The following NR5A2 variants were observed in gnomAD, a reference collection of about 807,000 sequenced individuals.
NR5A2 encodes nuclear receptor subfamily 5 group A member 2.
Under a neutral mutation model 62.7 loss-of-function variants are expected in NR5A2, and 26 were observed. The ratio of observed to expected loss-of-function variants is 0.41; its 90% CI spans 0.30 to 0.58. The LOEUF (loss-of-function observed/expected upper bound fraction) is 0.58. Among genes scored for constraint, NR5A2 ranks in the 20% least tolerant of loss-of-function variants. The pLI is 0.22. For missense variants in NR5A2, 541 were observed against 669.1 expected (o/e 0.81, Z 2.11); for synonymous variants, 246 against 241.7 (o/e 1.02, Z -0.16).
intron 7 of NR5A2, among the ~76,000 whole-genome samples, chr1:200,170,485 T>A (rs1274616516): frequency 6.6e-6 from 1 of 152,234 alleles, no homozygotes; most frequent in African/African-American, 2.4e-5. Context: ...GTGAACCACA[T>A]AAATGAGTGA....
chr1:200,039,284 C>G lies in NR5A2; in HGVS notation c.65-374C>G, dbSNP rs1185451762. 2.6e-5 allele frequency among the ~76,000 whole-genome samples: 4 copies of G among 152,110 alleles called. No homozygotes were observed. The highest frequency in any genetic ancestry group is 2.0e-4 in the Admixed American group (3 of 15,280). ...AGGAGTCGCCCGAGCCGTCCGGGAG[C>G]AGTGGCAGCGGCACAGCCGGGGCGG... is the stretch of plus-strand genomic sequence containing the variant. On this transcript the variant is annotated intron_variant, in intron 1 of 7. Coordinates refer to ENST00000367362, the MANE Select transcript of NR5A2 (RefSeq NM_205860.3). The surrounding 1 kb of genome is among the most constrained non-coding windows in gnomAD (Gnocchi z 5.1).
intron 7 of NR5A2, among the ~76,000 whole-genome samples, chr1:200,157,599 C>G (rs1209870026): frequency 1.3e-5 from 2 of 152,146 alleles, no homozygotes; most frequent in Non-Finnish European, 2.9e-5. Context: ...CATGGTTACA[C>G]AAATACAAAA....
chr1:200,162,961 C>A (rs930560478), intron 7 of NR5A2, among the ~76,000 whole-genome samples: 6 of 152,030 alleles, frequency 3.9e-5, no homozygotes, highest in African/African-American at 9.7e-5. Flanking sequence ...ATGTACAGAA[C>A]CAAATAAAGT....
At chr1:200,062,078 C>A (rs1663247787) in intron 5 of NR5A2, among the ~76,000 whole-genome samples, 1 of 152,142 alleles carries the variant, frequency 6.6e-6, no homozygotes, top group East Asian at 1.9e-4. Flanking sequence ...TAGATATTGT[C>A]AATAACCTGA....
intron 5 of NR5A2, 73 bp from the exon 6 acceptor site, chr1:200,111,129 A>G: frequency 1.3e-6 from 2 of 1,553,722 alleles, no homozygotes; most frequent in Non-Finnish European, 1.7e-6. Context: ...AAAATTACAC[A>G]AAAACAAAAA....
At position 200,174,491 on chromosome 1, in the gene NR5A2, C is replaced by G. The variant is rs1654332366; in HGVS notation, c.*281C>G. ...ATTGTAATGGAGTGGATTGAACTCA[C>G]AGATGGATACCAACACGGTCAGAAG... On this transcript the variant is annotated 3_prime_UTR_variant, in exon 8 of 8. Transcript: ENST00000367362. The G allele has an allele frequency of 4.3e-6, 1 of 233,948 alleles. No homozygotes were observed. Among genetic ancestry groups the G allele is most frequent in the African/African-American group, 2.3e-5 (1 of 44,418 alleles). 14.5% of individuals were successfully genotyped at this position (233,948 alleles called of 1,614,324 possible). A position where few individuals can be genotyped will look rare whatever the true frequency, so the allele number is the denominator to read the frequency against.
chr1:200,094,245 C>T (rs957141075), intron 5 of NR5A2, among the ~76,000 whole-genome samples: 10 of 144,330 alleles, frequency 6.9e-5, no homozygotes, highest in Non-Finnish European at 1.1e-4. Flanking sequence ...AGTGCAGTGA[C>T]GCCATCTCTG....
intron 7 of NR5A2, among the ~76,000 whole-genome samples, chr1:200,152,855 C>T (rs1356020419): frequency 6.6e-6 from 1 of 152,184 alleles, no homozygotes; most frequent in African/African-American, 2.4e-5. Flanking sequence ...AAGGTATGCT[C>T]TGCAAGGACT....
At chr1:200,112,990 C>T (rs533546022) in intron 6 of NR5A2, among the ~76,000 whole-genome samples, 1 of 152,222 alleles carries the variant, frequency 6.6e-6, no homozygotes, top group African/African-American at 2.4e-5. Flanking sequence ...TTTCATTTTG[C>T]CTTAAGTGCT....
At position 200,039,780 on chromosome 1, in the gene NR5A2, C is replaced by T. The variant is rs1279354603; in HGVS notation, c.187C>T (p.Pro63Ser). The T allele has an allele frequency of 2.5e-6, 4 of 1,605,972 alleles. No individual in the cohort carries two copies. Among genetic ancestry groups the T allele is most frequent in the South Asian group, 1.1e-5 (1 of 90,552 alleles). Reference sequence around the variant, plus strand: ...ATCGCATGGGGAACAGGGCCAGATGCCGGAAAACATGCAAGGTAAGGAGGC... The same window carrying T: ...ATCGCATGGGGAACAGGGCCAGATGTCGGAAAACATGCAAGGTAAGGAGGC... ...ARSHGEQGQM[P>S]ENMQVSQFKM... The change falls in exon 2 of 8, where the codon CCG (proline) becomes TCG (serine). Residue 63 changes from proline to serine, a missense_variant. By Grantham distance (74) the Pro-to-Ser change is moderately conservative. Around this residue, in one of 3 missense-constraint regions of NR5A2, gnomAD observed 108 missense variants for 103.3 expected, o/e 1.05. Coordinates refer to ENST00000367362, the MANE Select transcript of NR5A2 (RefSeq NM_205860.3). The surrounding 1 kb of genome is among the most constrained non-coding windows in gnomAD (Gnocchi z 5.1).
chr1:200,113,182 T>C (rs1271399858), intron 6 of NR5A2, among the ~76,000 whole-genome samples: 1 of 152,160 alleles, frequency 6.6e-6, no homozygotes, highest in Non-Finnish European at 1.5e-5. Flanking sequence ...GAAATAGTTA[T>C]TTCCTTATAT....
At chr1:200,172,894 G>A (rs1373041937) in intron 7 of NR5A2, among the ~76,000 whole-genome samples, 1 of 152,146 alleles carries the variant, frequency 6.6e-6, no homozygotes, top group Non-Finnish European at 1.5e-5. Flanking sequence ...AAATAAAGCA[G>A]GGCAGGGTGG....
At chr1:200,072,466 C>T (rs527374210) in intron 5 of NR5A2, among the ~76,000 whole-genome samples, 6 of 152,096 alleles carry the variant, frequency 3.9e-5, no homozygotes, top group African/African-American at 1.2e-4. Context: ...TCAAAACACC[C>T]GAAGGCCAAA....
chr1:200,066,588 C>CTTTTTTTTTTTTTTTT lies in NR5A2; in HGVS notation c.1110+17772_1110+17787dup, dbSNP rs756874909. Among the ~76,000 whole-genome samples the CTTTTTTTTTTTTTTTT allele has an allele frequency of 3.7e-3, 423 of 113,066 alleles. 42 individuals carry two copies. Among genetic ancestry groups the CTTTTTTTTTTTTTTTT allele is most frequent in the African/African-American group, 8.4e-3 (205 of 24,434 alleles). 74.2% of individuals were successfully genotyped at this position (113,066 alleles called of 152,430 possible). A position where few individuals can be genotyped will look rare whatever the true frequency, so the allele number is the denominator to read the frequency against. On this transcript the variant is annotated intron_variant, in intron 5 of 7. Coordinates refer to ENST00000367362, the MANE Select transcript of NR5A2 (RefSeq NM_205860.3). ...CCCTGCCATCTATTTAATTAATTAT[C>CTTTTTTTTTTTTTTTT]TTTTTTTTTTTTTTTTTGAGAGGGA...
intron 7 of NR5A2, among the ~76,000 whole-genome samples, chr1:200,145,185 C>T (rs1018259394): frequency 4.6e-5 from 7 of 152,146 alleles, no homozygotes; most frequent in African/African-American, 1.7e-4. Context: ...TGTCACGTGT[C>T]TGTAGTCCCA....
intron 5 of NR5A2, among the ~76,000 whole-genome samples, chr1:200,056,038 A>G (rs76039810): frequency 0.081 from 12,362 of 152,204 alleles, 697 homozygotes; most frequent in South Asian, 0.11. Context: ...ATCTGCTTTT[A>G]TATCTTTTTC....
At chr1:200,108,944 G>A (rs549634328) in intron 5 of NR5A2, among the ~76,000 whole-genome samples, 1 of 152,308 alleles carries the variant, frequency 6.6e-6, no homozygotes, top group East Asian at 1.9e-4. Context: ...ATAAGCTGCT[G>A]CCCACCACCT....
At chr1:200,079,497 C>A (rs566504515) in intron 5 of NR5A2, among the ~76,000 whole-genome samples, 1 of 152,204 alleles carries the variant, frequency 6.6e-6, no homozygotes, top group Non-Finnish European at 1.5e-5. Context: ...GGCCCTGGAG[C>A]GATTCCACAA....
chr1:200,108,114 GTC>G (rs1255982670), intron 5 of NR5A2, among the ~76,000 whole-genome samples: 2 of 139,462 alleles, frequency 1.4e-5, no homozygotes. Flanking sequence ...GTGTGTGTGT[GTC>G]AGGGTCTTGC....
Sources: gnomAD v4.1 joint callset for allele counts (sites outside exome capture counted in the v4.1 genomes callset) on GRCh38, gnomAD v4.1.1 for gene constraint, gnomAD v4.1.1 regional missense constraint, Gnocchi (gnomAD v3.1) non-coding constraint, MANE v1.5 for transcripts, NCBI Gene and HGNC (gene_info 2026-07-23, HGNC 2026-07-21) for gene names.